Variants in ROBO1 observed in about 807,000 individuals in gnomAD.
ROBO1 encodes the protein roundabout guidance receptor 1.
In ROBO1, 149 loss-of-function variants were observed where a neutral mutation model predicts 195.9. The ratio of observed to expected loss-of-function variants is 0.76; its 90% CI spans 0.67 to 0.87. The LOEUF (loss-of-function observed/expected upper bound fraction) is 0.87. Ranked by LOEUF, ROBO1 falls within the 40% of genes least tolerant of loss-of-function variation. The probability of loss-of-function intolerance (pLI) is 0.00; values close to 1 mark genes in which losing one functional copy is unlikely to be tolerated. For synonymous variants in ROBO1, 816 were observed against 733.2 expected, an observed-to-expected ratio of 1.11 and a Z score of -1.82; for missense variants, 1,933 against 2,068.3, an observed-to-expected ratio of 0.93 and a Z score of 1.27.
intron 2 of ROBO1, among the ~76,000 whole-genome samples, chr3:79,380,596 T>A (rs1051684324): frequency 1.3e-5 from 2 of 152,100 alleles, no homozygotes; most frequent in African/African-American, 4.8e-5. Context: ...TTTATTTTAA[T>A]ATGGTAGATT....
intron 2 of ROBO1, among the ~76,000 whole-genome samples, chr3:79,272,028 C>T (rs1352685003): frequency 6.6e-6 from 1 of 151,984 alleles, no homozygotes; most frequent in African/African-American, 2.4e-5. Context: ...TTTCTAACCA[C>T]TATCAAGATG....
At chr3:79,480,021 A>G (rs1938753795) in intron 2 of ROBO1, among the ~76,000 whole-genome samples, 1 of 152,190 alleles carries the variant, frequency 6.6e-6, no homozygotes, top group South Asian at 2.1e-4. Flanking sequence ...GCAAACCACA[A>G]TGAGAAAGGA....
intron 2 of ROBO1, among the ~76,000 whole-genome samples, chr3:79,252,016 T>C (rs2082738989): frequency 6.7e-6 from 1 of 150,182 alleles, no homozygotes; most frequent in African/African-American, 2.5e-5. Context: ...AATAGGCAAT[T>C]TTAAAGAAAA....
At chr3:78,818,272 C>T (rs2030368798) in intron 4 of ROBO1, among the ~76,000 whole-genome samples, 1 of 152,142 alleles carries the variant, frequency 6.6e-6, no homozygotes, top group South Asian at 2.1e-4. Flanking sequence ...ATTTAGGTTG[C>T]CGCTGGTACT....
chr3:79,174,169 T>G (rs1182595761), intron 2 of ROBO1, among the ~76,000 whole-genome samples: 1 of 152,106 alleles, frequency 6.6e-6, no homozygotes, highest in Non-Finnish European at 1.5e-5. Flanking sequence ...TTTCGCTCTT[T>G]GCAATAAATC....
At chr3:78,660,001 A>G (rs1575862012) in intron 16 of ROBO1, 194 bp from the exon 17 acceptor site, 6 of 344,988 alleles carry the variant, frequency 1.7e-5, no homozygotes, top group Admixed American at 4.6e-5. Flanking sequence ...GCTCACTGCA[A>G]CCTCCCCCTC....
intron 2 of ROBO1, among the ~76,000 whole-genome samples, chr3:79,412,006 C>A (rs1253941181): frequency 6.6e-6 from 1 of 152,060 alleles, no homozygotes; most frequent in Non-Finnish European, 1.5e-5. Flanking sequence ...TCGAGAGCAG[C>A]AGCATCAGTA....
intron 26 of ROBO1, among the ~76,000 whole-genome samples, chr3:78,621,343 T>C (rs1456803138): frequency 6.6e-6 from 1 of 152,192 alleles, no homozygotes; most frequent in African/African-American, 2.4e-5. Context: ...ATGTAAGACT[T>C]TTTAGCACAA....
intron 4 of ROBO1, among the ~76,000 whole-genome samples, chr3:78,844,105 C>T (rs897782816): frequency 6.6e-6 from 1 of 152,012 alleles, no homozygotes; most frequent in East Asian, 1.9e-4. Flanking sequence ...GTTTAAATTG[C>T]TATTTTTGTG....
At chr3:79,499,328 T>C (rs1279475771) in intron 2 of ROBO1, among the ~76,000 whole-genome samples, 2 of 152,164 alleles carry the variant, frequency 1.3e-5, no homozygotes, top group African/African-American at 2.4e-5. Context: ...TTAAGCTGGC[T>C]AAGTCTATCA....
At chr3:79,646,927 A>G (rs2106714788) in intron 1 of ROBO1, among the ~76,000 whole-genome samples, 1 of 152,110 alleles carries the variant, frequency 6.6e-6, no homozygotes, top group African/African-American at 2.4e-5. Context: ...GAAAGGGGAT[A>G]AAGAAAGGTT....
intron 2 of ROBO1, among the ~76,000 whole-genome samples, chr3:79,322,761 G>A (rs529633972): frequency 2.0e-5 from 3 of 152,136 alleles, no homozygotes; most frequent in Admixed American, 6.6e-5. Flanking sequence ...GACATATAAC[G>A]GGTATTCAAC....
intron 2 of ROBO1, among the ~76,000 whole-genome samples, chr3:79,321,314 T>C (rs1050421039): frequency 1.3e-5 from 2 of 152,194 alleles, no homozygotes; most frequent in African/African-American, 4.8e-5. Flanking sequence ...ATCTCTAAAA[T>C]GCCTAAGTGA....
intron 2 of ROBO1, among the ~76,000 whole-genome samples, chr3:79,395,340 AAAAG>A (rs71127382): frequency 0.054 from 6,401 of 118,102 alleles, 182 homozygotes; most frequent in East Asian, 0.11. Context: ...AAAAAAAAAA[AAAAG>A]AAAGAAAGAA....
At chr3:79,261,264 A>G (rs1180291161) in intron 2 of ROBO1, among the ~76,000 whole-genome samples, 1 of 152,042 alleles carries the variant, frequency 6.6e-6, no homozygotes, top group African/African-American at 2.4e-5. Flanking sequence ...CATATTATGT[A>G]GAAGAACAGC....
chr3:79,443,759 A>G (rs1364355643), intron 2 of ROBO1, among the ~76,000 whole-genome samples: 1 of 152,138 alleles, frequency 6.6e-6, no homozygotes, highest in Non-Finnish European at 1.5e-5. Flanking sequence ...ATAAAAATGT[A>G]TTTCATCTTA....
chr3:79,068,814 T>A (rs1255657124), intron 3 of ROBO1, among the ~76,000 whole-genome samples: 3 of 151,908 alleles, frequency 2.0e-5, no homozygotes, highest in Non-Finnish European at 4.4e-5. Flanking sequence ...AATGACCAAT[T>A]TCCCTACTTA....
At chr3:79,134,958 C>T (rs1378822237) in intron 2 of ROBO1, among the ~76,000 whole-genome samples, 1 of 140,234 alleles carries the variant, frequency 7.1e-6, no homozygotes, top group Non-Finnish European at 1.5e-5. Flanking sequence ...TTAGTGGGTG[C>T]AGCGCACCAG....
At chr3:79,012,690 G>T (rs759657709) in intron 3 of ROBO1, among the ~76,000 whole-genome samples, 2 of 152,212 alleles carry the variant, frequency 1.3e-5, no homozygotes, top group Admixed American at 1.3e-4. Context: ...AGGATTTGTA[G>T]CAGCCTGTTT....
Sources: allele counts gnomAD v4.1 joint callset (sites outside exome capture counted in the v4.1 genomes callset), GRCh38; gene constraint gnomAD v4.1.1; transcripts MANE v1.5; gene names NCBI Gene and HGNC (gene_info 2026-07-23, HGNC 2026-07-21).